The following SLC2A9 variants were observed in gnomAD, a reference collection of about 807,000 sequenced individuals.
The protein encoded by SLC2A9 is solute carrier family 2, facilitated glucose transporter member 9.
SLC2A9 carries 39 observed loss-of-function variants against 50.6 expected under a neutral mutation model. The observed-to-expected ratio is 0.77, with a 90% CI of 0.60 to 1.01. The LOEUF is 1.01. Among genes scored for constraint, SLC2A9 ranks in the 50% least tolerant of loss-of-function variants. The pLI is 0.00. For missense variants in SLC2A9, 686 were observed against 677.6 expected, an observed-to-expected ratio of 1.01 and a Z score of -0.14; for synonymous variants, 324 against 276.9, an observed-to-expected ratio of 1.17 and a Z score of -1.69.
intron 5 of SLC2A9, among the ~76,000 whole-genome samples, chr4:9,951,302 G>C (rs1246691422): frequency 7.2e-6 from 1 of 138,294 alleles, no homozygotes; most frequent in African/African-American, 3.0e-5. Flanking sequence ...TGATCATATG[G>C]ATGTGGAGAG....
intron 10 of SLC2A9, among the ~76,000 whole-genome samples, chr4:9,859,208 A>C (rs1346081034): frequency 1.3e-5 from 2 of 149,266 alleles, no homozygotes; most frequent in Admixed American, 1.3e-4. Context: ...ACTTGTTTTC[A>C]TATATACATC....
chr4:9,878,928 C>T (rs1734734941), intron 10 of SLC2A9: 1 of 599,552 alleles, frequency 1.7e-6, no homozygotes, highest in Non-Finnish European at 2.1e-6. Flanking sequence ...TGTTTGGTGT[C>T]AAAATACACA....
At chr4:9,808,907 G>A (rs1722485158) in intron 3 of SLC2A9, among the ~76,000 whole-genome samples, 1 of 152,190 alleles carries the variant, frequency 6.6e-6, no homozygotes, top group Non-Finnish European at 1.5e-5. Context: ...CAATGACTCT[G>A]GCTTGGACTG....
chr4:9,999,523 A>G (rs1422628223), intron 2 of SLC2A9, among the ~76,000 whole-genome samples: 1 of 152,200 alleles, frequency 6.6e-6, no homozygotes, highest in Non-Finnish European at 1.5e-5. Context: ...AGGGAGAATT[A>G]TGCCAAGACA....
chr4:9,846,387 A>G (rs1324061091), intron 10 of SLC2A9, among the ~76,000 whole-genome samples: 2 of 152,140 alleles, frequency 1.3e-5, no homozygotes, highest in African/African-American at 2.4e-5. Flanking sequence ...AGAGGAGCTT[A>G]GACACCCACC....
chr4:9,861,485 C>A (rs1731635899), intron 10 of SLC2A9, among the ~76,000 whole-genome samples: 1 of 152,102 alleles, frequency 6.6e-6, no homozygotes, highest in South Asian at 2.1e-4. Context: ...TTGGTGGGGA[C>A]ACAACTCCAA....
At chr4:10,021,629 C>A, upstream of SLC2A9, 1 of 765,300 alleles carries the variant, frequency 1.3e-6, no homozygotes, top group Non-Finnish European at 2.1e-6. Context: ...TGAAACAGTC[C>A]AAAAAGGGAA....
At chr4:9,867,696 C>G (rs962371291) in intron 10 of SLC2A9, among the ~76,000 whole-genome samples, 1 of 152,218 alleles carries the variant, frequency 6.6e-6, no homozygotes, top group African/African-American at 2.4e-5. Context: ...CACACTACCC[C>G]CTGAGAGCTG....
At chr4:9,949,290 A>C (rs1043509352) in intron 5 of SLC2A9, among the ~76,000 whole-genome samples, 2 of 152,172 alleles carry the variant, frequency 1.3e-5, no homozygotes, top group Non-Finnish European at 2.9e-5. Flanking sequence ...TACTGAATGC[A>C]TGTTGGGGAG....
intron 4 of SLC2A9, among the ~76,000 whole-genome samples, chr4:9,981,059 G>A (rs1401036450): frequency 6.6e-6 from 1 of 151,864 alleles, no homozygotes; most frequent in Non-Finnish European, 1.5e-5. Context: ...TGATAGTGAT[G>A]GTCATGATGG....
chr4:9,863,143 G>A (rs996591775), intron 10 of SLC2A9, among the ~76,000 whole-genome samples: 5 of 151,844 alleles, frequency 3.3e-5, no homozygotes, highest in Non-Finnish European at 5.9e-5. Context: ...CATAGTATGT[G>A]TTCAAAAATT....
chr4:10,011,544 C>T (rs1330169518), intron 2 of SLC2A9, among the ~76,000 whole-genome samples: 1 of 152,178 alleles, frequency 6.6e-6, no homozygotes, highest in Non-Finnish European at 1.5e-5. Context: ...AATCTGAAGC[C>T]ATTTTCAAGG....
chr4:9,904,846 A>G (rs1740332404), intron 8 of SLC2A9, among the ~76,000 whole-genome samples: 1 of 152,322 alleles, frequency 6.6e-6, no homozygotes, highest in South Asian at 2.1e-4. Flanking sequence ...AATTGGGGTC[A>G]ATGCTACCAT....
intron 6 of SLC2A9, among the ~76,000 whole-genome samples, chr4:9,935,500 G>A (rs551381513): frequency 1.3e-5 from 2 of 152,322 alleles, no homozygotes; most frequent in Admixed American, 6.5e-5. Context: ...ACCTGGAGCT[G>A]AGCTGGTTCT....
rs372681931 is a variant in SLC2A9 at position 9,781,935 on chromosome 4, G to A, written n.386-1870C>T. Reference sequence around the variant, plus strand: ...TGGGGCTCGAGGGTCCCTTGGCTGAGGGGGCGCATCCTCGGGGTGCCCGAT... The same window carrying A: ...TGGGGCTCGAGGGTCCCTTGGCTGAAGGGGCGCATCCTCGGGGTGCCCGAT... On this transcript the variant is annotated intron_variant and non_coding_transcript_variant, in intron 3 of 3. Coordinates refer to the SLC2A9 transcript ENST00000503803. The A allele has an allele frequency of 3.4e-5, 38 of 1,123,608 alleles. No homozygotes were observed. In the African/African-American group the frequency reaches 5.8e-4, roughly 17 times the overall value. 69.6% of individuals were successfully genotyped at this position (1,123,608 alleles called of 1,614,324 possible).
intron 1 of SLC2A9, among the ~76,000 whole-genome samples, chr4:10,030,832 G>A (rs1379212397): frequency 6.6e-6 from 1 of 152,298 alleles, no homozygotes; most frequent in Admixed American, 6.5e-5. Flanking sequence ...AGGCCGCTTT[G>A]CATGTGTGAT....
chr4:9,845,766 T>C (rs1341024447), intron 10 of SLC2A9, among the ~76,000 whole-genome samples: 1 of 152,218 alleles, frequency 6.6e-6, no homozygotes, highest in Non-Finnish European at 1.5e-5. Context: ...AAAATGCCTA[T>C]AAACCCCCTT....
chr4:9,970,886 C>T (rs1477156556), intron 5 of SLC2A9, among the ~76,000 whole-genome samples: 1 of 152,178 alleles, frequency 6.6e-6, no homozygotes, highest in Non-Finnish European at 1.5e-5. Flanking sequence ...CCTGACCTAG[C>T]AACTGATGTT....
chr4:9,785,160 G>A (rs1001958992), intron 3 of SLC2A9, among the ~76,000 whole-genome samples: 6 of 152,150 alleles, frequency 3.9e-5, no homozygotes, highest in South Asian at 2.1e-4. Context: ...TCAGGAGATC[G>A]TCGCATGACC....
Sources: gnomAD v4.1 joint callset for allele counts (sites outside exome capture counted in the v4.1 genomes callset) on GRCh38, gnomAD v4.1.1 for gene constraint, MANE v1.5 for transcripts, NCBI Gene and HGNC (gene_info 2026-07-23, HGNC 2026-07-21) for gene names.